CA10: variants seen among roughly 807,000 people sequenced by gnomAD.
The protein encoded by CA10 is carbonic anhydrase 10 (inactive).
In CA10, 14 loss-of-function variants were observed where a neutral mutation model predicts 44.2. The observed-to-expected ratio is 0.32, with a 90% CI of 0.21 to 0.50. The LOEUF (loss-of-function observed/expected upper bound fraction) is 0.50, where lower values mean the gene tolerates loss of function less well. Ranked by LOEUF, CA10 falls within the 20% of genes least tolerant of loss-of-function variation. The pLI, the probability that CA10 is intolerant of heterozygous loss-of-function variation, is 0.99. For missense variants in CA10, 350 were observed against 409.7 expected (o/e 0.85, Z 1.26); for synonymous variants, 159 against 141.6 (o/e 1.12, Z -0.87).
chr17:52,015,592 G>A (rs1020113157), intron 2 of CA10, among the ~76,000 whole-genome samples: 1 of 152,122 alleles, frequency 6.6e-6, no homozygotes, highest in Admixed American at 6.6e-5. Context: ...CTGATGAGAA[G>A]TAAGGATTTA....
chr17:51,936,114 C>T (rs751190651), intron 2 of CA10, among the ~76,000 whole-genome samples: 4 of 152,152 alleles, frequency 2.6e-5, no homozygotes, highest in Admixed American at 6.5e-5. Flanking sequence ...AAAGCATTTA[C>T]TGACAGCCTC....
At chr17:51,904,310 A>G (rs1981448143) in intron 3 of CA10, among the ~76,000 whole-genome samples, 1 of 152,094 alleles carries the variant, frequency 6.6e-6, no homozygotes, top group African/African-American at 2.4e-5. Flanking sequence ...GCCTGCTTAC[A>G]GGAATATCAG....
At chr17:52,080,475 A>C (rs1027593420) in intron 1 of CA10, among the ~76,000 whole-genome samples, 2 of 148,274 alleles carry the variant, frequency 1.3e-5, no homozygotes, top group Admixed American at 6.7e-5. Context: ...TAAATAAATA[A>C]ATAAATAAAT....
intron 6 of CA10, among the ~76,000 whole-genome samples, chr17:51,644,574 A>C (rs1248345382): frequency 3.3e-5 from 5 of 151,384 alleles, no homozygotes; most frequent in Admixed American, 2.6e-4. Context: ...CCTACTCCAC[A>C]CCTCTTCTTG....
chr17:51,899,152 C>G (rs1245312229), intron 3 of CA10, among the ~76,000 whole-genome samples: 1 of 151,866 alleles, frequency 6.6e-6, no homozygotes, highest in African/African-American at 2.4e-5. Flanking sequence ...AATTTGAGAC[C>G]TTTCTAAAGT....
intron 4 of CA10, among the ~76,000 whole-genome samples, chr17:51,717,277 T>C (rs1236725682): frequency 6.6e-6 from 1 of 151,950 alleles, no homozygotes; most frequent in African/African-American, 2.4e-5. Context: ...TCCTGGGTGA[T>C]AGGAGCATCT....
At chr17:51,720,821 T>C (rs1365909211) in intron 4 of CA10, among the ~76,000 whole-genome samples, 1 of 151,990 alleles carries the variant, frequency 6.6e-6, no homozygotes, top group Non-Finnish European at 1.5e-5. Flanking sequence ...GTTTTAGTGA[T>C]CTATTATGCT....
At chr17:51,990,245 C>G (rs974639453) in intron 2 of CA10, among the ~76,000 whole-genome samples, 1 of 152,056 alleles carries the variant, frequency 6.6e-6, no homozygotes, top group Non-Finnish European at 1.5e-5. Flanking sequence ...CCAATTGCCC[C>G]AGAATTTCCA....
chr17:51,947,366 C>T (rs921856208), intron 2 of CA10, among the ~76,000 whole-genome samples: 3 of 151,954 alleles, frequency 2.0e-5, no homozygotes, highest in Admixed American at 6.6e-5. Flanking sequence ...CAAAGGTTCA[C>T]ATACCTGAGG....
At chr17:51,743,090 G>A (rs1014743289) in intron 4 of CA10, among the ~76,000 whole-genome samples, 2 of 152,236 alleles carry the variant, frequency 1.3e-5, no homozygotes, top group East Asian at 1.9e-4. Flanking sequence ...AAGAGTGGAT[G>A]AAATTAACAG....
At chr17:52,141,227 G>A (rs1241166580) in intron 1 of CA10, among the ~76,000 whole-genome samples, 1 of 152,118 alleles carries the variant, frequency 6.6e-6, no homozygotes, top group Non-Finnish European at 1.5e-5. Flanking sequence ...GAGAGCAAAG[G>A]GAGCTTTATA....
rs1413563405 is a variant in CA10, at chr17:51,831,667, A to ACAGCAGCAGCAGC, written c.280-83850_280-83849insGCTGCTGCTGCTG. Among the ~76,000 whole-genome samples the ACAGCAGCAGCAGC allele has an allele frequency of 1.9e-4, 24 of 127,410 alleles. 1 individual carries two copies. The highest frequency in any genetic ancestry group is 3.5e-4 in the Non-Finnish European group (21 of 60,794). 83.6% of individuals were successfully genotyped at this position (127,410 alleles called of 152,430 possible). ...TGGATTGTTCCAAGGAGAAAAGAAA[A>ACAGCAGCAGCAGC]AGCAGCAGCAGCAGCAGCAGCAGCA... On this transcript the variant is annotated intron_variant, in intron 3 of 8. Coordinates refer to ENST00000451037, the MANE Select transcript of CA10 (RefSeq NM_020178.5).
intron 4 of CA10, among the ~76,000 whole-genome samples, chr17:51,697,088 A>G (rs1237786978): frequency 6.6e-6 from 1 of 151,642 alleles, no homozygotes; most frequent in East Asian, 1.9e-4. Flanking sequence ...ACGTAATGAA[A>G]AAAAAAAAAA....
chr17:51,680,328 C>T (rs759982159), intron 4 of CA10, among the ~76,000 whole-genome samples: 5 of 152,076 alleles, frequency 3.3e-5, no homozygotes, highest in South Asian at 2.1e-4. Flanking sequence ...ATCTCAGTGT[C>T]GAAAGCCTTA....
intron 2 of CA10, among the ~76,000 whole-genome samples, chr17:51,967,380 C>T (rs910371854): frequency 6.6e-6 from 1 of 151,220 alleles, no homozygotes. Flanking sequence ...CAAAAAGACA[C>T]ATGCACTTGT....
intron 1 of CA10, among the ~76,000 whole-genome samples, chr17:52,101,418 A>G (rs886266850): frequency 6.6e-6 from 1 of 152,198 alleles, no homozygotes; most frequent in African/African-American, 2.4e-5. Flanking sequence ...TATTCCAGTT[A>G]AAATCAGCCA....
intron 3 of CA10, among the ~76,000 whole-genome samples, chr17:51,892,616 T>C (rs561670892): frequency 7.4e-4 from 112 of 152,174 alleles, no homozygotes; most frequent in Non-Finnish European, 9.8e-4. Flanking sequence ...TATGGGTTAG[T>C]TGGCCCAGCC....
At chr17:51,900,866 T>C (rs1981283085) in intron 3 of CA10, among the ~76,000 whole-genome samples, 1 of 152,184 alleles carries the variant, frequency 6.6e-6, no homozygotes, top group Non-Finnish European at 1.5e-5. Context: ...TCAGATCAAT[T>C]TGATTATTTC....
intron 3 of CA10, among the ~76,000 whole-genome samples, chr17:51,769,498 G>A (rs2143653344): frequency 6.6e-6 from 1 of 152,218 alleles, no homozygotes; most frequent in Non-Finnish European, 1.5e-5. Flanking sequence ...GGGGGTGATG[G>A]GGAGTGGGTT....
Sources: allele counts gnomAD v4.1 joint callset (sites outside exome capture counted in the v4.1 genomes callset), GRCh38; gene constraint gnomAD v4.1.1; transcripts MANE v1.5; gene names NCBI Gene and HGNC (gene_info 2026-07-23, HGNC 2026-07-21).